IL15: variants seen among roughly 807,000 people sequenced by gnomAD.
The protein encoded by IL15 is interleukin 15, also known as interleukin-15.
A neutral mutation model predicts 19.6 loss-of-function variants in IL15; 11 were observed. The observed-to-expected ratio is 0.56, with a 90% CI of 0.35 to 0.93. IL15 has a LOEUF of 0.93. IL15 is among the 40% of genes least tolerant of loss of function. The probability of loss-of-function intolerance (pLI) is 0.01; values close to 1 mark genes in which losing one functional copy is unlikely to be tolerated. For synonymous variants in IL15, 58 were observed against 59.6 expected, an observed-to-expected ratio of 0.97 and a Z score of 0.12; for missense variants, 197 against 186.5, an observed-to-expected ratio of 1.06 and a Z score of -0.33.
intron 2 of IL15, among the ~76,000 whole-genome samples, chr4:141,708,494 C>T (rs1729600123): frequency 6.6e-6 from 1 of 152,150 alleles, no homozygotes; most frequent in Non-Finnish European, 1.5e-5. Context: ...AAACTTCTGG[C>T]TAATCTCCAA....
intron 2 of IL15, among the ~76,000 whole-genome samples, chr4:141,665,146 T>C (rs1308231802): frequency 2.0e-5 from 3 of 152,134 alleles, no homozygotes; most frequent in African/African-American, 7.2e-5. Context: ...TATCCTATCA[T>C]TTTGTTTATT....
At chr4:141,637,816 A>C (rs1726907217) in intron 1 of IL15, among the ~76,000 whole-genome samples, 1 of 152,204 alleles carries the variant, frequency 6.6e-6, no homozygotes, top group African/African-American at 2.4e-5. Context: ...GTGGTGGCCA[A>C]CTAAGTGGAC....
Position 141,641,361 on chromosome 4 carries a change from A to G in IL15, c.-222+4613A>G, listed in dbSNP as rs149224754. Among the ~76,000 whole-genome samples, 979 of 152,284 alleles carry G rather than the reference A, an allele frequency of 6.4e-3. 13 individuals are homozygous for G. Among genetic ancestry groups the G allele is most frequent in the African/African-American group, 0.022 (922 of 41,564 alleles). Reference sequence around the variant, plus strand: ...GCATAAAACTAAAACATATATACCCAAAGGATTATAAATCATGCTGCTGTA... The same window carrying G: ...GCATAAAACTAAAACATATATACCCGAAGGATTATAAATCATGCTGCTGTA... On this transcript the variant is annotated intron_variant, in intron 1 of 7. Transcript: ENST00000320650.
chr4:141,701,178 A>G (rs1165534934), intron 2 of IL15, among the ~76,000 whole-genome samples: 1 of 152,030 alleles, frequency 6.6e-6, no homozygotes, highest in Non-Finnish European at 1.5e-5. Flanking sequence ...TGGGGGTGTT[A>G]TAGAACCTTG....
At chr4:141,718,540 A>C (rs937914276) in intron 2 of IL15, 19 of 152,212 alleles carry the variant, frequency 1.2e-4, no homozygotes, top group Non-Finnish European at 2.5e-4. Context: ...AGGTATTTCT[A>C]TTGGATACAC....
At chr4:141,667,905 A>C (rs1176541739) in intron 2 of IL15, among the ~76,000 whole-genome samples, 1 of 152,182 alleles carries the variant, frequency 6.6e-6, no homozygotes, top group Non-Finnish European at 1.5e-5. Flanking sequence ...GAGCTTATTT[A>C]TTTAATTCTT....
chr4:141,698,438 A>T (rs1178780531), intron 2 of IL15, among the ~76,000 whole-genome samples: 7 of 151,448 alleles, frequency 4.6e-5, no homozygotes, highest in Middle Eastern at 6.9e-3. Context: ...GTCTGATAGA[A>T]TTCAGCTGTG....
intron 5 of IL15, among the ~76,000 whole-genome samples, chr4:141,724,749 A>G (rs543257429): frequency 1.3e-5 from 2 of 152,258 alleles, no homozygotes; most frequent in African/African-American, 4.8e-5. Flanking sequence ...AACATAATGA[A>G]GATGAAATAG....
At chr4:141,693,290 A>C (rs1220896813) in intron 2 of IL15, among the ~76,000 whole-genome samples, 1 of 151,640 alleles carries the variant, frequency 6.6e-6, no homozygotes, top group African/African-American at 2.4e-5. Context: ...TGGTCCAATC[A>C]CCCCCCACTG....
At chr4:141,677,544 T>C (rs1464247775) in intron 2 of IL15, among the ~76,000 whole-genome samples, 1 of 152,150 alleles carries the variant, frequency 6.6e-6, no homozygotes, top group Non-Finnish European at 1.5e-5. Flanking sequence ...CCAGCCCGAG[T>C]TGTTCAAGGA....
chr4:141,722,157 C>A (rs2152190433), intron 5 of IL15, 149 bp downstream of exon 5: 1 of 1,108,320 alleles, frequency 9.0e-7, no homozygotes, highest in Non-Finnish European at 1.2e-6. Context: ...AAAAAGAAGT[C>A]TTTTCCTTAC....
intron 1 of IL15, among the ~76,000 whole-genome samples, chr4:141,655,171 G>A (rs932815781): frequency 3.3e-5 from 5 of 152,100 alleles, no homozygotes; most frequent in African/African-American, 1.2e-4. Flanking sequence ...TGTTATTGAT[G>A]GAAGCTTGTT....
chr4:141,729,766 C>G (rs558850162), intron 6 of IL15, 81 bp from the exon 7 acceptor site: 6 of 780,320 alleles, frequency 7.7e-6, no homozygotes, highest in Non-Finnish European at 1.3e-5. Context: ...TTTGGATTGA[C>G]TTTTTGAAAA....
chr4:141,706,389 A>G (rs2152183948), intron 2 of IL15, among the ~76,000 whole-genome samples: 1 of 152,148 alleles, frequency 6.6e-6, no homozygotes, highest in South Asian at 2.1e-4. Flanking sequence ...TTTACCCATT[A>G]TGTAGCTGTT....
intron 1 of IL15, among the ~76,000 whole-genome samples, chr4:141,638,977 T>C (rs1325746959): frequency 3.3e-5 from 5 of 152,254 alleles, no homozygotes; most frequent in Non-Finnish European, 5.9e-5. Context: ...GAAGGTTAGC[T>C]GATCATAATA....
intron 2 of IL15, among the ~76,000 whole-genome samples, chr4:141,713,511 A>G (rs529522887): frequency 3.6e-4 from 55 of 152,306 alleles, no homozygotes; most frequent in African/African-American, 1.3e-3. Context: ...CAAAGCATAA[A>G]ACATTATCTG....
At chr4:141,648,512 T>G (rs1727302611) in intron 1 of IL15, among the ~76,000 whole-genome samples, 1 of 152,038 alleles carries the variant, frequency 6.6e-6, no homozygotes, top group African/African-American at 2.4e-5. Flanking sequence ...TGAGAGAAAT[T>G]GTGTGAAAAT....
At chr4:141,681,656 C>T (rs1290684730) in intron 2 of IL15, among the ~76,000 whole-genome samples, 1 of 152,066 alleles carries the variant, frequency 6.6e-6, no homozygotes, top group Non-Finnish European at 1.5e-5. Flanking sequence ...AATTTTCATT[C>T]CCATATAATT....
At position 141,645,245 on chromosome 4, in the gene IL15, G is replaced by A. The variant is rs186746662; in HGVS notation, c.-222+8497G>A. Among the ~76,000 whole-genome samples the A allele has an allele frequency of 1.2e-4, 18 of 152,198 alleles. No individual in the cohort carries two copies. In the East Asian group the frequency reaches 1.9e-3, roughly 16 times the overall value. ...CACTTTAATTTTTTGGGAAGTCAAG[G>A]TGCCATAGAAACCCTTACCATTTTT... On this transcript the variant is annotated intron_variant, in intron 1 of 7. Transcript: ENST00000320650.
Sources: allele counts gnomAD v4.1 joint callset (sites outside exome capture counted in the v4.1 genomes callset), GRCh38; gene constraint gnomAD v4.1.1; transcripts MANE v1.5; gene names NCBI Gene and HGNC (gene_info 2026-07-23, HGNC 2026-07-21).